Variants in RBFOX1 observed in about 807,000 individuals in gnomAD.
RBFOX1 encodes the protein RNA binding fox-1 homolog 1, also known as RNA binding protein fox-1 homolog 1.
A neutral mutation model predicts 57.7 loss-of-function variants in RBFOX1; 8 were observed. That is an observed-to-expected ratio of 0.14 (90% confidence interval 0.08 to 0.25). The LOEUF is 0.25. Ranked by LOEUF, RBFOX1 falls within the 10% of genes least tolerant of loss-of-function variation. The probability of loss-of-function intolerance (pLI) is 1.00; values close to 1 mark genes in which losing one functional copy is unlikely to be tolerated. For missense variants in RBFOX1, 611 were observed against 548.5 expected (o/e 1.11, Z -1.14); for synonymous variants, 326 against 222.4 (o/e 1.47, Z -4.15).
chr16:5,867,105 GC>G (rs2057359679), intron 3 of RBFOX1, among the ~76,000 whole-genome samples: 3 of 151,976 alleles, frequency 2.0e-5, no homozygotes, highest in African/African-American at 7.2e-5. Context: ...TATTAACAGG[GC>G]TGGATAAACA....
At chr16:6,549,913 C>T (rs73534899) in intron 2 of RBFOX1, among the ~76,000 whole-genome samples, 2 of 152,106 alleles carry the variant, frequency 1.3e-5, no homozygotes, top group Non-Finnish European at 2.9e-5. Context: ...CTACCCAGCT[C>T]AGTTTGCTCT....
At chr16:5,986,631 C>T (rs953433076) in intron 4 of RBFOX1, among the ~76,000 whole-genome samples, 3 of 152,192 alleles carry the variant, frequency 2.0e-5, no homozygotes, top group African/African-American at 7.2e-5. Flanking sequence ...CATAGAATCA[C>T]ATAGTAGGCA....
chr16:5,462,537 C>G lies in RBFOX1; in HGVS notation c.220-4679C>G, dbSNP rs188484742. Reference sequence around the variant, plus strand: ...TAAAGAAGCAGGATACACAATAACTCAAGTTTTACCAGAGTATAAAGTGGC... The same window carrying G: ...TAAAGAAGCAGGATACACAATAACTGAAGTTTTACCAGAGTATAAAGTGGC... On this transcript the variant is annotated intron_variant, in intron 1 of 2. Coordinates refer to the RBFOX1 transcript ENST00000585867. Among the ~76,000 whole-genome samples, 6 of 152,260 alleles carry G rather than the reference C, an allele frequency of 3.9e-5. No individual in the cohort carries two copies. In the East Asian group the frequency reaches 1.2e-3, roughly 29 times the overall value.
intron 2 of RBFOX1, among the ~76,000 whole-genome samples, chr16:6,340,841 C>A (rs564971696): frequency 5.9e-5 from 9 of 152,216 alleles, no homozygotes; most frequent in African/African-American, 1.9e-4. Context: ...TATGGAGTTG[C>A]CCTTGTTCAC....
chr16:5,712,931 A>T (rs907511294), intron 3 of RBFOX1, among the ~76,000 whole-genome samples: 1 of 151,960 alleles, frequency 6.6e-6, no homozygotes, highest in Non-Finnish European at 1.5e-5. Flanking sequence ...TGGAGATTGA[A>T]CCCAGCTCCA....
At chr16:6,484,813 TTC>T (rs1427892153) in intron 2 of RBFOX1, among the ~76,000 whole-genome samples, 1 of 152,240 alleles carries the variant, frequency 6.6e-6, no homozygotes, top group African/African-American at 2.4e-5. Context: ...AAGAGTCACT[TTC>T]TGAGTGTCTT....
chr16:5,413,985 G>C (rs1342705277), intron 1 of RBFOX1, among the ~76,000 whole-genome samples: 1 of 152,210 alleles, frequency 6.6e-6, no homozygotes, highest in Non-Finnish European at 1.5e-5. Context: ...TTACAGATGA[G>C]GACATTGAGG....
chr16:6,180,279 TG>T (rs761105979), intron 1 of RBFOX1, among the ~76,000 whole-genome samples: 3 of 152,112 alleles, frequency 2.0e-5, no homozygotes, highest in Non-Finnish European at 4.4e-5. Context: ...AAGTTTTTTT[TG>T]CCTACTAATT....
rs536723528 is a variant in RBFOX1 at position 5,347,220 on chromosome 16, T to C, written c.219+107115T>C. 2.6e-5 allele frequency among the ~76,000 whole-genome samples: 4 copies of C among 152,342 alleles called. No homozygotes were observed. The South Asian group carries it at 8.3e-4, about 32-fold the overall frequency. On this transcript the variant is annotated intron_variant, in intron 1 of 2. Coordinates refer to the RBFOX1 transcript ENST00000585867. Reference sequence around the variant, plus strand: ...TATGTTTTCCTTATTTATTATTGCATGTCTCTTCTAACCAGAATATGAGCT... The same window carrying C: ...TATGTTTTCCTTATTTATTATTGCACGTCTCTTCTAACCAGAATATGAGCT...
chr16:5,620,125 G>T lies in RBFOX1; in HGVS notation c.318+21164G>T, dbSNP rs74929579. On this transcript the variant is annotated intron_variant, in intron 3 of 19. Coordinates refer to the RBFOX1 transcript ENST00000641259. ...AGCAGAAAGTGAACATTACAGTCAGGTGGCAATGTTTCTGAGTAGGCTGCT... is the reference window on the plus strand; with the variant it reads ...AGCAGAAAGTGAACATTACAGTCAGTTGGCAATGTTTCTGAGTAGGCTGCT... 5.1e-3 allele frequency among the ~76,000 whole-genome samples: 770 copies of T among 152,212 alleles called. 7 individuals are homozygous for T. Among genetic ancestry groups the T allele is most frequent in the African/African-American group, 0.018 (733 of 41,520 alleles).
chr16:7,502,114 A>T (rs1325449213), intron 4 of RBFOX1, among the ~76,000 whole-genome samples: 3 of 152,030 alleles, frequency 2.0e-5, no homozygotes, highest in African/African-American at 7.2e-5. Flanking sequence ...TTCAGCTGGC[A>T]AACTATGAGA....
At chr16:7,356,215 G>A (rs757744620) in intron 4 of RBFOX1, among the ~76,000 whole-genome samples, 19 of 152,176 alleles carry the variant, frequency 1.2e-4, no homozygotes, top group African/African-American at 4.6e-4. Flanking sequence ...ATACAGCACT[G>A]AATAGTGAGT....
chr16:5,298,222 G>C (rs1282143890), intron 1 of RBFOX1, among the ~76,000 whole-genome samples: 1 of 152,140 alleles, frequency 6.6e-6, no homozygotes, highest in African/African-American at 2.4e-5. Context: ...ATTATTACAT[G>C]TTAGATCAAG....
At chr16:7,460,584 A>C (rs1215976640) in intron 4 of RBFOX1, among the ~76,000 whole-genome samples, 2 of 149,228 alleles carry the variant, frequency 1.3e-5, no homozygotes, top group Non-Finnish European at 3.0e-5. Context: ...AGGTAGGAGG[A>C]TGGAAAGGAT....
At chr16:7,693,853 A>G (rs2077966386) in intron 14 of RBFOX1, among the ~76,000 whole-genome samples, 1 of 152,222 alleles carries the variant, frequency 6.6e-6, no homozygotes, top group African/African-American at 2.4e-5. Flanking sequence ...TCTCTGTCTT[A>G]TAAGAAGGGG....
At chr16:5,246,934 G>A (rs975165299) in intron 1 of RBFOX1, among the ~76,000 whole-genome samples, 1 of 152,148 alleles carries the variant, frequency 6.6e-6, no homozygotes, top group Non-Finnish European at 1.5e-5. Context: ...GCCTCCCAAA[G>A]TGCTGGGATT....
intron 10 of RBFOX1, among the ~76,000 whole-genome samples, chr16:7,613,955 T>C (rs192684387): frequency 1.3e-5 from 2 of 152,174 alleles, no homozygotes; most frequent in African/African-American, 4.8e-5. Context: ...AAGTCCTAGG[T>C]ATAAAGCATG....
chr16:7,090,401 C>G (rs373651146), intron 4 of RBFOX1, among the ~76,000 whole-genome samples: 46 of 152,250 alleles, frequency 3.0e-4, no homozygotes, highest in African/African-American at 1.1e-3. Context: ...AGTCTCCCTT[C>G]TCTAGACTGA....
chr16:6,031,070 G>A (rs191113354), intron 1 of RBFOX1, among the ~76,000 whole-genome samples: 20 of 152,274 alleles, frequency 1.3e-4, no homozygotes, highest in Admixed American at 2.6e-4. Flanking sequence ...CAACAGAATG[G>A]AGCATTCATG....
Sources: gnomAD v4.1 joint callset for allele counts (sites outside exome capture counted in the v4.1 genomes callset) on GRCh38, gnomAD v4.1.1 for gene constraint, MANE v1.5 for transcripts, NCBI Gene and HGNC (gene_info 2026-07-23, HGNC 2026-07-21) for gene names.